PLS1: variants seen among roughly 807,000 people sequenced by gnomAD.
PLS1 encodes the protein plastin 1.
In PLS1, 32 loss-of-function variants were observed where a neutral mutation model predicts 73.7. That is an observed-to-expected ratio of 0.43 (90% CI 0.33 to 0.58). PLS1 has a LOEUF of 0.58. Ranked by LOEUF, PLS1 falls within the 20% of genes least tolerant of loss-of-function variation. The probability of loss-of-function intolerance (pLI) is 0.04; values close to 1 mark genes in which losing one functional copy is unlikely to be tolerated. For synonymous variants in PLS1, 217 were observed against 261.3 expected (o/e 0.83, Z 1.63); for missense variants, 633 against 740.5 (o/e 0.85, Z 1.68).
chr3:142,617,839 T>C (rs137970407), intron 1 of PLS1, among the ~76,000 whole-genome samples: 2 of 152,174 alleles, frequency 1.3e-5, no homozygotes, highest in African/African-American at 4.8e-5. Context: ...TTAGCCCGGC[T>C]TGGTGGCATG....
chr3:142,613,966 C>G (rs954185404), intron 1 of PLS1, among the ~76,000 whole-genome samples: 1 of 152,108 alleles, frequency 6.6e-6, no homozygotes, highest in Non-Finnish European at 1.5e-5. Flanking sequence ...ATATTTGGTA[C>G]CTTCTGATTA....
intron 12 of PLS1, among the ~76,000 whole-genome samples, chr3:142,702,569 TG>T (rs1356519600): frequency 2.6e-5 from 4 of 152,166 alleles, no homozygotes; most frequent in Non-Finnish European, 1.5e-5. Context: ...AAGTACTTAG[TG>T]TAAGCACTTT....
Position 142,649,554 on chromosome 3 carries a change from C to G in PLS1, c.-36-14648C>G, listed in dbSNP as rs193103336. Among the ~76,000 whole-genome samples the G allele has an allele frequency of 1.3e-4, 20 of 151,864 alleles. No homozygotes were observed. In the East Asian group the frequency reaches 3.3e-3, roughly 25 times the overall value. On this transcript the variant is annotated intron_variant, in intron 1 of 15. Transcript: ENST00000457734. ...TAGGGAGGCTGTGGCAGGAGAATTG[C>G]TTGAGCCTGGGAGATGGAGCTTGCA...
At chr3:142,687,346 A>C (rs2037992443) in intron 9 of PLS1, among the ~76,000 whole-genome samples, 1 of 152,192 alleles carries the variant, frequency 6.6e-6, no homozygotes, top group Admixed American at 6.5e-5. Flanking sequence ...GACAAACTTG[A>C]ATTCTAAACA....
chr3:142,623,036 A>G (rs1053239752), intron 1 of PLS1, among the ~76,000 whole-genome samples: 2 of 152,112 alleles, frequency 1.3e-5, no homozygotes, highest in African/African-American at 2.4e-5. Context: ...ATAGCACGCT[A>G]CAGCCTTGTA....
intron 2 of PLS1, among the ~76,000 whole-genome samples, chr3:142,668,191 G>A (rs1284763998): frequency 2.0e-5 from 3 of 152,162 alleles, no homozygotes; most frequent in South Asian, 2.1e-4. Flanking sequence ...GGGCAGAAGC[G>A]TTTTGTGTTG....
chr3:142,601,631 G>A (rs1163622189), intron 1 of PLS1, among the ~76,000 whole-genome samples: 1 of 152,084 alleles, frequency 6.6e-6, no homozygotes, highest in African/African-American at 2.4e-5. Context: ...CTGGGCTCAA[G>A]CAGTCCTCCC....
intron 1 of PLS1, among the ~76,000 whole-genome samples, chr3:142,611,340 G>A (rs1018064505): frequency 6.6e-6 from 1 of 152,170 alleles, no homozygotes; most frequent in Non-Finnish European, 1.5e-5. Flanking sequence ...TACTTAAATT[G>A]GTCAAGCATG....
At chr3:142,665,434 T>C (rs922822180) in intron 2 of PLS1, among the ~76,000 whole-genome samples, 2 of 152,130 alleles carry the variant, frequency 1.3e-5, no homozygotes, top group Admixed American at 1.3e-4. Flanking sequence ...TATTTGTCAT[T>C]AGAGCATTGT....
intron 1 of PLS1, among the ~76,000 whole-genome samples, chr3:142,629,447 C>T (rs541841716): frequency 2.9e-4 from 44 of 152,252 alleles, no homozygotes; most frequent in African/African-American, 1.0e-3. Flanking sequence ...ATGATCCACC[C>T]GCCTCGGCCT....
chr3:142,711,835 G>C, intron 15 of PLS1, 37 bp from the exon 16 acceptor site: 1 of 1,599,542 alleles, frequency 6.3e-7, no homozygotes, highest in Non-Finnish European at 8.6e-7. Context: ...TGAAAACACA[G>C]TGGATAACAC....
chr3:142,634,085 A>G (rs2036624999), intron 1 of PLS1, among the ~76,000 whole-genome samples: 1 of 152,222 alleles, frequency 6.6e-6, no homozygotes, highest in Admixed American at 6.5e-5. Context: ...TGCAGAAGAA[A>G]AGATTAGAGA....
Position 142,703,889 on chromosome 3 carries a change from G to A in PLS1, c.1393G>A (p.Val465Met). The A allele has an allele frequency of 6.2e-7, 1 of 1,609,952 alleles. No individual in the cohort carries two copies. Among genetic ancestry groups the A allele is most frequent in the African/African-American group, 1.3e-5 (1 of 74,984 alleles). Residue 465 changes from valine to methionine, a missense_variant, in exon 13 of 16, where the codon GTG (valine) becomes ATG (methionine). Transcript: ENST00000457734. ...MKKIENCNYA[V>M]ELGKNKAKFS... ...ATAGATTGAAAACTGTAACTATGCA[G>A]TGGAACTTGGGAAGAACAAGGCCAA...
At chr3:142,700,550 C>A (rs948220538) in intron 12 of PLS1, among the ~76,000 whole-genome samples, 3 of 152,158 alleles carry the variant, frequency 2.0e-5, no homozygotes, top group Non-Finnish European at 4.4e-5. Flanking sequence ...GTCTTGTCTC[C>A]TGACCTCGTG....
At chr3:142,600,484 G>A (rs2035894537) in intron 1 of PLS1, among the ~76,000 whole-genome samples, 1 of 152,060 alleles carries the variant, frequency 6.6e-6, no homozygotes, top group Admixed American at 6.6e-5. Flanking sequence ...AGAACATGGG[G>A]GTGAGGTAAG....
At chr3:142,697,297 G>T (rs1025914949) in intron 11 of PLS1, among the ~76,000 whole-genome samples, 5 of 152,042 alleles carry the variant, frequency 3.3e-5, no homozygotes, top group African/African-American at 4.8e-5. Flanking sequence ...AGTAGCTATT[G>T]TGATTTTCCT....
chr3:142,704,760 T>C (rs1038975578), intron 14 of PLS1, among the ~76,000 whole-genome samples, 174 bp downstream of exon 14: 2 of 147,966 alleles, frequency 1.4e-5, no homozygotes, highest in Non-Finnish European at 3.0e-5. Context: ...ACCATTCTCC[T>C]GCCTCAGCCT....
intron 1 of PLS1, among the ~76,000 whole-genome samples, chr3:142,625,466 C>A (rs1253412596): frequency 6.6e-6 from 1 of 152,124 alleles, no homozygotes; most frequent in East Asian, 1.9e-4. Context: ...ATTCTTATCC[C>A]TATACCTGCT....
intron 1 of PLS1, among the ~76,000 whole-genome samples, chr3:142,603,029 A>G (rs1413418691): frequency 6.6e-6 from 1 of 152,132 alleles, no homozygotes; most frequent in Non-Finnish European, 1.5e-5. Flanking sequence ...CCGAATTAAC[A>G]TTTTACTCTG....
Sources: gnomAD v4.1 joint callset for allele counts (sites outside exome capture counted in the v4.1 genomes callset) on GRCh38, gnomAD v4.1.1 for gene constraint, MANE v1.5 for transcripts, NCBI Gene and HGNC (gene_info 2026-07-23, HGNC 2026-07-21) for gene names.